The following SYNE1 variants were observed in gnomAD, a reference collection of about 807,000 sequenced individuals.
The protein encoded by SYNE1 is spectrin repeat containing nuclear envelope protein 1.
In SYNE1, 616 loss-of-function variants were observed where a neutral mutation model predicts 1,111.0. The observed-to-expected ratio is 0.55, with a 90% CI of 0.52 to 0.59. The LOEUF is 0.59. SYNE1 is among the 20% of genes least tolerant of loss of function. The probability of loss-of-function intolerance (pLI) is 0.00; values close to 1 mark genes in which losing one functional copy is unlikely to be tolerated. For missense variants in SYNE1, 10,006 were observed against 10,417.0 expected (o/e 0.96, Z 1.72); for synonymous variants, 3,855 against 3,825.8 (o/e 1.01, Z -0.28).
intron 9 of SYNE1, among the ~76,000 whole-genome samples, chr6:152,503,369 G>A (rs1449632222): frequency 2.0e-5 from 3 of 152,130 alleles, no homozygotes; most frequent in African/African-American, 4.8e-5. Context: ...GAAACTCTTC[G>A]AGGGCCTGAG....
At chr6:152,482,941 A>C in intron 14 of SYNE1, 144 bp downstream of exon 14, 2 of 925,898 alleles carry the variant, frequency 2.2e-6, no homozygotes, top group Non-Finnish European at 3.5e-6. Context: ...CAATCAAATT[A>C]GAGAACTCTA....
At chr6:152,410,263 A>C (rs214978) in intron 42 of SYNE1, 68,217 of 153,118 alleles carry the variant, frequency 0.45, 16,624 homozygotes, top group East Asian at 0.75. Flanking sequence ...TGTTGTTTAT[A>C]AAAATAAGGT....
chr6:152,402,775 CAGAG>C (rs35543666), intron 46 of SYNE1: 20 of 150,432 alleles, frequency 1.3e-4, no homozygotes, highest in Non-Finnish European at 2.2e-4. Context: ...GAGAGAGAAA[CAGAG>C]AGAGAGAGAG....
chr6:152,503,729 G>T (rs1196076588), intron 9 of SYNE1, among the ~76,000 whole-genome samples: 1 of 152,110 alleles, frequency 6.6e-6, no homozygotes, highest in Non-Finnish European at 1.5e-5. Flanking sequence ...AGGAAGCGAA[G>T]ATAATGTATT....
At chr6:152,353,768 G>C (rs141752780) in intron 67 of SYNE1, 24 bp from the exon 68 acceptor site, 17,504 of 1,612,924 alleles carry the variant, frequency 0.011, 160 homozygotes, top group Non-Finnish European at 0.012. Context: ...GTATCGAAGG[G>C]AAAGATTCAA....
intron 18 of SYNE1, 121 bp downstream of exon 18, chr6:152,465,137 A>T: frequency 1.7e-6 from 2 of 1,146,620 alleles, no homozygotes; most frequent in Non-Finnish European, 2.6e-6. Context: ...CTTTTCAGGC[A>T]AAGTCAAGAT....
chr6:152,502,494 A>G, intron 10 of SYNE1, 139 bp downstream of exon 10: 1 of 730,892 alleles, frequency 1.4e-6, no homozygotes, highest in Admixed American at 2.0e-5. Context: ...TCATCACCCC[A>G]TTTGGTGATA....
At chr6:152,264,022 A>T (rs2092400158) in intron 100 of SYNE1, among the ~76,000 whole-genome samples, 1 of 151,884 alleles carries the variant, frequency 6.6e-6, no homozygotes, top group South Asian at 2.1e-4. Context: ...CAGCCTGGGC[A>T]ACATGATGAA....
At chr6:152,618,888 T>C (rs1032444755) in intron 3 of SYNE1, among the ~76,000 whole-genome samples, 1 of 152,204 alleles carries the variant, frequency 6.6e-6, no homozygotes, top group African/African-American at 2.4e-5. Context: ...AGGCTGCATA[T>C]ATTCTTATAC....
chr6:152,354,119 G>A (rs995534061), intron 67 of SYNE1, among the ~76,000 whole-genome samples: 2 of 152,000 alleles, frequency 1.3e-5, no homozygotes, highest in Non-Finnish European at 2.9e-5. Context: ...CAGCTTGGGC[G>A]ACAGAGCAAG....
chr6:152,243,190 T>C (rs977338264), intron 106 of SYNE1, among the ~76,000 whole-genome samples: 2 of 152,166 alleles, frequency 1.3e-5, no homozygotes, highest in African/African-American at 4.8e-5. Context: ...AAAATGTAAT[T>C]CCCATTTTTA....
intron 128 of SYNE1, among the ~76,000 whole-genome samples, chr6:152,183,638 G>A (rs1383589805): frequency 6.6e-6 from 1 of 152,106 alleles, no homozygotes; most frequent in Non-Finnish European, 1.5e-5. Flanking sequence ...TCAGACTGAA[G>A]ATGAACAAGT....
intron 104 of SYNE1, among the ~76,000 whole-genome samples, chr6:152,250,159 G>T (rs2088703732): frequency 6.6e-6 from 1 of 151,896 alleles, no homozygotes; most frequent in Non-Finnish European, 1.5e-5. Flanking sequence ...ATCTACTTGG[G>T]AGGCTGAAGT....
At chr6:152,326,704 C>T (rs2153956092) in intron 78 of SYNE1, 71 bp from the exon 79 acceptor site, 6 of 1,464,268 alleles carry the variant, frequency 4.1e-6, no homozygotes, top group Non-Finnish European at 5.6e-6. Flanking sequence ...GTTTTATTCA[C>T]TCATTTGTTT....
intron 127 of SYNE1, among the ~76,000 whole-genome samples, chr6:152,193,749 C>T (rs559341718): frequency 1.1e-4 from 17 of 152,172 alleles, no homozygotes; most frequent in South Asian, 8.3e-4. Context: ...CGGTAGCTCA[C>T]GCCTGTAATC....
At chr6:152,257,388 C>A (rs745524564) in intron 101 of SYNE1, among the ~76,000 whole-genome samples, 1 of 152,066 alleles carries the variant, frequency 6.6e-6, no homozygotes. Flanking sequence ...CAAAAAATAG[C>A]CAGGTATGGT....
chr6:152,549,215 T>A (rs1258982608), intron 3 of SYNE1, among the ~76,000 whole-genome samples: 2 of 152,186 alleles, frequency 1.3e-5, no homozygotes, highest in Admixed American at 6.6e-5. Context: ...TTGATACAAA[T>A]TCCTTGTAGG....
At chr6:152,539,642 C>G (rs2099259958) in intron 4 of SYNE1, among the ~76,000 whole-genome samples, 1 of 152,112 alleles carries the variant, frequency 6.6e-6, no homozygotes, top group Admixed American at 6.6e-5. Flanking sequence ...CACACACAAA[C>G]AAAAATCCAG....
rs1043132315 is a variant in SYNE1 at position 152,246,727 on chromosome 6, C to A, written c.19573-2071G>T. Among the ~76,000 whole-genome samples the A allele has an allele frequency of 2.0e-5, 3 of 152,120 alleles. No homozygotes were observed. In the East Asian group the frequency reaches 5.8e-4, roughly 29 times the overall value. ...TCAGAAGAGTCCCTTGAGCTCCCAG[C>A]CCAGTGGATAAAAATAGATCCTCCC... On this transcript the variant is annotated intron_variant, in intron 105 of 145. Transcript: ENST00000367255.
Sources: allele counts gnomAD v4.1 joint callset (sites outside exome capture counted in the v4.1 genomes callset), GRCh38; gene constraint gnomAD v4.1.1; transcripts MANE v1.5; gene names NCBI Gene and HGNC (gene_info 2026-07-23, HGNC 2026-07-21).